MTMR9: variants seen among roughly 807,000 people sequenced by gnomAD.
MTMR9 encodes the protein myotubularin-related protein 9.
A neutral mutation model predicts 69.5 loss-of-function variants in MTMR9; 39 were observed. The ratio of observed to expected loss-of-function variants is 0.56; its 90% CI spans 0.43 to 0.73. The LOEUF is 0.73. Ranked by LOEUF, MTMR9 falls within the 30% of genes least tolerant of loss-of-function variation. The pLI is 0.00. For synonymous variants in MTMR9, 354 were observed against 240.8 expected (o/e 1.47, Z -4.35); for missense variants, 900 against 671.2 (o/e 1.34, Z -3.77).
At chr8:11,294,177 A>G (rs1380303499) in intron 1 of MTMR9, among the ~76,000 whole-genome samples, 1 of 152,240 alleles carries the variant, frequency 6.6e-6, no homozygotes, top group Non-Finnish European at 1.5e-5. Context: ...CACAATCGTC[A>G]TCTGCAAATA....
At position 11,321,558 on chromosome 8, in the gene MTMR9, A is replaced by G. The variant is rs143126539; in HGVS notation, c.1487-1067A>G. The G allele has an allele frequency of 1.2e-4, 54 of 453,886 alleles. No homozygotes were observed. The East Asian group carries it at 3.3e-3, about 28-fold the overall frequency. The allele number at this position is 453,886 out of a possible 1,614,324, so 28.1% of individuals were successfully genotyped here. On this transcript the variant is annotated intron_variant, in intron 9 of 9. Coordinates refer to ENST00000221086, the MANE Select transcript of MTMR9 (RefSeq NM_015458.4). ...CTTGTTCTGTGGATTAAGTCCTGCCATGCCGGAGTTTCAGTGTGTGTTTCA... is the reference window on the plus strand; with the variant it reads ...CTTGTTCTGTGGATTAAGTCCTGCCGTGCCGGAGTTTCAGTGTGTGTTTCA...
Position 11,326,751 on chromosome 8 carries a change from A to T in MTMR9, c.*3963A>T, listed in dbSNP as rs1800949821. On this transcript the variant is annotated 3_prime_UTR_variant, in exon 10 of 10. Coordinates refer to ENST00000221086, the MANE Select transcript of MTMR9 (RefSeq NM_015458.4). ...TTTGGGAGGCCAAGGCGGGCGGATC[A>T]TGAGGTCAGGAGATCGAGACCATCC... 6.6e-6 allele frequency: 1 copy of T among 152,298 alleles called. No homozygotes were observed. The allele number at this position is 152,298 out of a possible 1,614,324, so 9.4% of individuals were successfully genotyped here.
chr8:11,338,602 A>G, the MTMR9 span, among the ~76,000 whole-genome samples: 1 of 152,236 alleles, frequency 6.6e-6, no homozygotes, highest in Non-Finnish European at 1.5e-5. Flanking sequence ...GTAATGGCCA[A>G]TAGACCACGG....
chr8:11,315,582 A>G (rs1454297453), intron 7 of MTMR9, among the ~76,000 whole-genome samples: 1 of 152,242 alleles, frequency 6.6e-6, no homozygotes, highest in Non-Finnish European at 1.5e-5. Flanking sequence ...ATATATTTCT[A>G]CTGTGTAAGC....
intron 1 of MTMR9, among the ~76,000 whole-genome samples, chr8:11,288,283 T>C (rs1047860386): frequency 7.2e-6 from 1 of 139,084 alleles, no homozygotes; most frequent in African/African-American, 2.7e-5. Flanking sequence ...TATAGTATAA[T>C]ATAGCATATA....
Position 11,327,515 on chromosome 8 carries a change from A to G in MTMR9, c.*4727A>G, listed in dbSNP as rs1800990357. The G allele has an allele frequency of 6.6e-6, 1 of 152,560 alleles. No individual in the cohort carries two copies. The highest frequency in any genetic ancestry group is 1.5e-5 in the Non-Finnish European group (1 of 68,044). The allele number at this position is 152,560 out of a possible 1,614,324, so 9.5% of individuals were successfully genotyped here. A position where few individuals can be genotyped will look rare whatever the true frequency, so the allele number is the denominator to read the frequency against. On this transcript the variant is annotated 3_prime_UTR_variant, in exon 10 of 10. Transcript: ENST00000221086. ...TATCTTTGGAGAGGTGAATTATTCT[A>G]CAAAATGCACCCTAAATCTCATTGT... is the stretch of plus-strand genomic sequence containing the variant.
chr8:11,327,865 T>C lies in MTMR9; in HGVS notation c.*5077T>C, dbSNP rs559410505. Reference sequence around the variant, plus strand: ...TTAGGGAAAAAAAAAAGCAGAACTTTTGTAAGTCTGTGTAACATTTTAATA... The same window carrying C: ...TTAGGGAAAAAAAAAAGCAGAACTTCTGTAAGTCTGTGTAACATTTTAATA... On this transcript the variant is annotated 3_prime_UTR_variant, in exon 10 of 10. Transcript: ENST00000221086. The C allele has an allele frequency of 6.5e-6, 1 of 152,704 alleles. No individual in the cohort carries two copies. The highest frequency in any genetic ancestry group is 2.1e-4 in the South Asian group (1 of 4,824). The allele number at this position is 152,704 out of a possible 1,614,324, so 9.5% of individuals were successfully genotyped here.
At chr8:11,298,122 T>C (rs1799621875) in intron 2 of MTMR9, among the ~76,000 whole-genome samples, 1 of 152,200 alleles carries the variant, frequency 6.6e-6, no homozygotes, top group African/African-American at 2.4e-5. Flanking sequence ...TTTTTTTCAG[T>C]GTTTCACCTG....
the MTMR9 span, among the ~76,000 whole-genome samples, chr8:11,335,150 A>T: frequency 1.1e-4 from 17 of 152,362 alleles, no homozygotes; most frequent in Admixed American, 9.1e-4. Context: ...CACAGATGAT[A>T]TGATTTTCTA....
At chr8:11,304,193 A>G (rs983718333) in intron 3 of MTMR9, among the ~76,000 whole-genome samples, 13 of 152,176 alleles carry the variant, frequency 8.5e-5, no homozygotes, top group African/African-American at 2.7e-4. Flanking sequence ...ATTGACTCCT[A>G]AGCTTAACCT....
chr8:11,300,253 T>C, intron 3 of MTMR9, 105 bp downstream of exon 3: 1 of 1,246,938 alleles, frequency 8.0e-7, no homozygotes, highest in East Asian at 2.4e-5. Context: ...TGAAGTTGAC[T>C]TATCCATTCC....
the MTMR9 span, among the ~76,000 whole-genome samples, chr8:11,334,812 A>T: frequency 1.3e-5 from 2 of 152,236 alleles, no homozygotes; most frequent in African/African-American, 4.8e-5. Flanking sequence ...AATGTAATCC[A>T]TAACATCAAC....
chr8:11,324,933 T>G lies in MTMR9; in HGVS notation c.*2145T>G, dbSNP rs1800860923. On this transcript the variant is annotated 3_prime_UTR_variant, in exon 10 of 10. Transcript: ENST00000221086. ...TAGGGCTTCCATGGGTGGAAACTTG[T>G]GAGGGAGTTTGTATTAGGTCTGGTC... 1 of 152,204 alleles carries G rather than the reference T, an allele frequency of 6.6e-6. No individual in the cohort carries two copies. Among genetic ancestry groups the G allele is most frequent in the South Asian group, 2.1e-4 (1 of 4,830 alleles). The allele number at this position is 152,204 out of a possible 1,614,324, so 9.4% of individuals were successfully genotyped here.
chr8:11,330,203 G>C (rs1801152410), downstream of MTMR9, among the ~76,000 whole-genome samples: 1 of 151,404 alleles, frequency 6.6e-6, no homozygotes, highest in African/African-American at 2.4e-5. Context: ...GGAGGTGGGG[G>C]GTCAGCCGCG....
chr8:11,309,288 C>T (rs549818133), intron 5 of MTMR9, among the ~76,000 whole-genome samples: 1 of 152,298 alleles, frequency 6.6e-6, no homozygotes, highest in East Asian at 1.9e-4. Context: ...GGTATGTGAA[C>T]TGGGTTTAAT....
At chr8:11,330,230 C>T (rs2736267), downstream of MTMR9, among the ~76,000 whole-genome samples, 3,118 of 151,034 alleles carry the variant, frequency 0.021, 115 homozygotes, top group African/African-American at 0.071. Flanking sequence ...CCAGCCGCCC[C>T]GTCCGGGAGG....
At position 11,324,648 on chromosome 8, in the gene MTMR9, C is replaced by T. The variant is rs1357733032; in HGVS notation, c.*1860C>T. The T allele has an allele frequency of 1.3e-5, 2 of 152,000 alleles. No individual in the cohort carries two copies. Among genetic ancestry groups the T allele is most frequent in the African/African-American group, 4.8e-5 (2 of 41,378 alleles). 9.4% of individuals were successfully genotyped at this position (152,000 alleles called of 1,614,324 possible). On this transcript the variant is annotated 3_prime_UTR_variant, in exon 10 of 10. Coordinates refer to ENST00000221086, the MANE Select transcript of MTMR9 (RefSeq NM_015458.4). ...ATTGTATATGAAGGAGGCTTTTCTT[C>T]TCAGCTAACAGGCATATAAGGAAAA... is the stretch of plus-strand genomic sequence containing the variant.
At chr8:11,300,606 A>G (rs1003905724) in intron 3 of MTMR9, 1 of 152,338 alleles carries the variant, frequency 6.6e-6, no homozygotes, top group Non-Finnish European at 1.5e-5. Flanking sequence ...CAAAGTAACT[A>G]GAAAGAAAAA....
In MTMR9 at chr8:11,304,951, A is replaced by G; in HGVS notation, c.528A>G (p.Val176=). 6.2e-7 allele frequency: 1 copy of G among 1,614,114 alleles called. No homozygotes were observed. The highest frequency in any genetic ancestry group is 1.1e-5 in the South Asian group (1 of 91,088). Residue 176 remains valine, a synonymous_variant, in exon 4 of 10, where the codon GTA becomes GTG. Coordinates refer to ENST00000221086, the MANE Select transcript of MTMR9 (RefSeq NM_015458.4). ...KSIDDEALRK[V]ATFRHGGRFP... ...TCGATGATGAAGCTCTTCGGAAGGT[A>G]GCTACATTTCGACATGGAGGGCGCT...
Sources: allele counts gnomAD v4.1 joint callset (sites outside exome capture counted in the v4.1 genomes callset), GRCh38; gene constraint gnomAD v4.1.1; transcripts MANE v1.5; gene names NCBI Gene and HGNC (gene_info 2026-07-23, HGNC 2026-07-21).